Variants in N4BP2 observed in about 807,000 individuals in gnomAD.
The protein encoded by N4BP2 is NEDD4-binding protein 2.
A neutral mutation model predicts 152.8 loss-of-function variants in N4BP2; 91 were observed. That is an observed-to-expected ratio of 0.60 (90% CI 0.50 to 0.71). The LOEUF is 0.71. Ranked by LOEUF, N4BP2 falls within the 30% of genes least tolerant of loss-of-function variation. The pLI is 0.00. For synonymous variants in N4BP2, 646 were observed against 705.3 expected (o/e 0.92, Z 1.33); for missense variants, 1,923 against 2,059.1 (o/e 0.93, Z 1.28).
chr4:40,169,402 A>G, the N4BP2 span, among the ~76,000 whole-genome samples: 1 of 151,824 alleles, frequency 6.6e-6, no homozygotes, highest in Non-Finnish European at 1.5e-5. Flanking sequence ...AACCTTAAAA[A>G]TAGAGATTTT....
chr4:40,107,580 C>T (rs186092478), intron 5 of N4BP2, among the ~76,000 whole-genome samples: 157 of 151,982 alleles, frequency 1.0e-3, no homozygotes, highest in African/African-American at 3.7e-3. Context: ...GACGGGGTTT[C>T]CCCGTGTTGG....
intron 16 of N4BP2, among the ~76,000 whole-genome samples, chr4:40,151,352 C>T (rs1306822536): frequency 6.6e-6 from 1 of 152,076 alleles, no homozygotes; most frequent in East Asian, 1.9e-4. Flanking sequence ...GTTCACTGCA[C>T]CCTCCACCTC....
chr4:40,186,049 G>T, the N4BP2 span, among the ~76,000 whole-genome samples: 1 of 152,140 alleles, frequency 6.6e-6, no homozygotes, highest in Non-Finnish European at 1.5e-5. Context: ...AGATTGCCCA[G>T]GATGTGTTTC....
chr4:40,132,235 A>G (rs1473408964), intron 13 of N4BP2, among the ~76,000 whole-genome samples: 1 of 152,176 alleles, frequency 6.6e-6, no homozygotes, highest in Non-Finnish European at 1.5e-5. Flanking sequence ...TTATGTAAAC[A>G]TGGTCTCTCT....
At chr4:40,133,177 T>C (rs957853140) in intron 13 of N4BP2, among the ~76,000 whole-genome samples, 4 of 152,228 alleles carry the variant, frequency 2.6e-5, no homozygotes, top group African/African-American at 9.6e-5. Flanking sequence ...AATTTGTTAG[T>C]ATATTTTCAA....
Position 40,121,595 on chromosome 4 carries a change from A to AT in N4BP2, c.3486dup (p.Ile1163TyrfsTer2). 6.2e-7 allele frequency: 1 copy of AT among 1,614,152 alleles called. No individual in the cohort carries two copies. The highest frequency in any genetic ancestry group is 8.5e-7 in the Non-Finnish European group (1 of 1,180,008). ...TTCTCTGGGGTTGAATTTGAAAGAAATTATTAGCCAAAGAGGAACTTTAGA... is the reference window on the plus strand; with the variant it reads ...TTCTCTGGGGTTGAATTTGAAAGAAATTTATTAGCCAAAGAGGAACTTTAGA... On this transcript the variant is annotated frameshift_variant, in exon 9 of 18. Coordinates refer to ENST00000261435, the MANE Select transcript of N4BP2 (RefSeq NM_018177.6). LOFTEE classifies it high-confidence loss of function.
At chr4:40,148,047 T>G (rs1720765586) in intron 16 of N4BP2, among the ~76,000 whole-genome samples, 1 of 149,672 alleles carries the variant, frequency 6.7e-6, no homozygotes, top group African/African-American at 2.5e-5. Flanking sequence ...CCAGACGGGG[T>G]GGCGGCCGGG....
intron 13 of N4BP2, among the ~76,000 whole-genome samples, chr4:40,133,808 G>A (rs563029838): frequency 6.6e-6 from 1 of 151,536 alleles, no homozygotes. Flanking sequence ...ATACTTTTTT[G>A]TGTGTGTGTG....
Position 40,120,532 on chromosome 4 carries a change from T to G in N4BP2, c.2421T>G (p.Thr807=). Residue 807 remains threonine (T), a synonymous_variant, in exon 9 of 18, where the codon ACT becomes ACG. Transcript: ENST00000261435. ...IGQRTKRNRK[T]EKTSSVQSDK... is the part of the protein sequence containing the mutation. ...AGAGGACAAAAAGGAACAGAAAAAC[T>G]GAAAAAACTTCATCCGTACAAAGCG... 4 of 1,613,164 alleles carry G rather than the reference T, an allele frequency of 2.5e-6. No homozygotes were observed. Among genetic ancestry groups the G allele is most frequent in the South Asian group, 1.1e-5 (1 of 91,034 alleles).
chr4:40,089,419 A>G (rs916004749), intron 2 of N4BP2, among the ~76,000 whole-genome samples: 3 of 145,816 alleles, frequency 2.1e-5, no homozygotes, highest in Non-Finnish European at 3.0e-5. Flanking sequence ...GATGAACTAT[A>G]ATTTATCAGT....
chr4:40,173,223 G>A, the N4BP2 span, among the ~76,000 whole-genome samples: 6 of 152,226 alleles, frequency 3.9e-5, no homozygotes, highest in East Asian at 1.2e-3. Context: ...TCAGCAAATT[G>A]CTCAGATCCT....
rs1180568166 is a variant in N4BP2 at position 40,157,878 on chromosome 4, A to G, written c.*3641A>G. The G allele has an allele frequency of 6.6e-6, 1 of 152,238 alleles. No homozygotes were observed. The highest frequency in any genetic ancestry group is 1.5e-5 in the Non-Finnish European group (1 of 68,024). The allele number at this position is 152,238 out of a possible 1,614,324, so 9.4% of individuals were successfully genotyped here. Reference sequence around the variant, plus strand: ...TCTTTACAGAATTTAATAGAGAAACAAGGCTAGAACACATCTACATCCTGA... The same window carrying G: ...TCTTTACAGAATTTAATAGAGAAACGAGGCTAGAACACATCTACATCCTGA... On this transcript the variant is annotated 3_prime_UTR_variant, in exon 18 of 18. Coordinates refer to ENST00000261435, the MANE Select transcript of N4BP2 (RefSeq NM_018177.6).
chr4:40,188,349 T>C, the N4BP2 span, among the ~76,000 whole-genome samples: 1 of 151,870 alleles, frequency 6.6e-6, no homozygotes, highest in Non-Finnish European at 1.5e-5. Flanking sequence ...CTGAGCAAGA[T>C]ACTTAATCTC....
At position 40,069,412 on chromosome 4, in the gene N4BP2, T is replaced by A. The variant is rs554280078; in HGVS notation, c.-211-4043T>A. Among the ~76,000 whole-genome samples the A allele has an allele frequency of 8.6e-5, 13 of 151,896 alleles. No individual in the cohort carries two copies. In the South Asian group the frequency reaches 2.3e-3, roughly 27 times the overall value. On this transcript the variant is annotated intron_variant, in intron 1 of 17. Transcript: ENST00000261435. The stretch of plus-strand genomic sequence containing the variant: ...ACTGCACGAAAGAGTGAGACTGTTT[T>A]AAAAAAAAATTCCCTTTCATTTTTT...
chr4:40,113,159 A>G lies in N4BP2; in HGVS notation c.1588-273A>G, dbSNP rs559649738. On this transcript the variant is annotated intron_variant, in intron 6 of 17. Transcript: ENST00000261435. ...TATTAATAGCCATGTAGTTATTTGTATCCTTTTGCTGTTACAAATACTGGA... is the reference window on the plus strand; with the variant it reads ...TATTAATAGCCATGTAGTTATTTGTGTCCTTTTGCTGTTACAAATACTGGA... Among the ~76,000 whole-genome samples the G allele has an allele frequency of 1.2e-3, 178 of 152,222 alleles. 1 individual carries two copies. The highest frequency in any genetic ancestry group is 3.5e-3 in the African/African-American group (145 of 41,536).
chr4:40,184,471 AAT>A, the N4BP2 span, among the ~76,000 whole-genome samples: 1 of 152,196 alleles, frequency 6.6e-6, no homozygotes, highest in Non-Finnish European at 1.5e-5. Context: ...CTTTATTAAA[AAT>A]AGATTGTAAT....
chr4:40,114,788 A>G (rs1028907553), intron 7 of N4BP2, among the ~76,000 whole-genome samples: 2 of 152,124 alleles, frequency 1.3e-5, no homozygotes, highest in Admixed American at 6.5e-5. Flanking sequence ...TTTACTTTAA[A>G]AATTCTTTGG....
chr4:40,104,098 G>A (rs1329153467), intron 4 of N4BP2, among the ~76,000 whole-genome samples: 1 of 151,794 alleles, frequency 6.6e-6, no homozygotes, highest in Non-Finnish European at 1.5e-5. Flanking sequence ...GACTACAGGC[G>A]CCCACCACCA....
rs1714141023 is a variant in N4BP2 at position 40,087,897 on chromosome 4, G to A, written c.-114-9330G>A. Among the ~76,000 whole-genome samples the A allele has an allele frequency of 3.3e-5, 5 of 152,132 alleles. No homozygotes were observed. The South Asian group carries it at 1.0e-3, about 32-fold the overall frequency. ...TTACAGGCATGCGCCACAATGCCCA[G>A]CTAATTTTTGTATTTTTAGTAGAGG... is the stretch of plus-strand genomic sequence containing the variant. On this transcript the variant is annotated intron_variant, in intron 2 of 17. Transcript: ENST00000261435.
Sources: allele counts gnomAD v4.1 joint callset (sites outside exome capture counted in the v4.1 genomes callset), GRCh38; gene constraint gnomAD v4.1.1; transcripts MANE v1.5; gene names NCBI Gene and HGNC (gene_info 2026-07-23, HGNC 2026-07-21).